Variants in SACS observed in about 807,000 individuals in gnomAD.
SACS encodes sacsin molecular chaperone.
In SACS, 197 loss-of-function variants were observed where a neutral mutation model predicts 348.0. The ratio of observed to expected loss-of-function variants is 0.57; its 90% CI spans 0.50 to 0.64. The LOEUF (loss-of-function observed/expected upper bound fraction) is 0.64, where lower values mean the gene tolerates loss of function less well. Among genes scored for constraint, SACS ranks in the 30% least tolerant of loss-of-function variants. The pLI, the probability that SACS is intolerant of heterozygous loss-of-function variation, is 0.00. For synonymous variants in SACS, 1,985 were observed against 1,910.6 expected, an observed-to-expected ratio of 1.04 and a Z score of -1.02; for missense variants, 4,999 against 5,360.8, an observed-to-expected ratio of 0.93 and a Z score of 2.11.
intron 3 of SACS, 95 bp from the exon 4 acceptor site, chr13:23,371,260 CTTG>C (rs1871372688): frequency 3.6e-6 from 2 of 561,596 alleles, no homozygotes; most frequent in Non-Finnish European, 6.0e-6. Context: ...TTAAGTAATG[CTTG>C]TTAAGTCTTC....
At chr13:23,422,776 A>T (rs1253440628) in intron 1 of SACS, among the ~76,000 whole-genome samples, 1 of 151,592 alleles carries the variant, frequency 6.6e-6, no homozygotes, top group Non-Finnish European at 1.5e-5. Context: ...CTCCTGCCTC[A>T]GCCTTTGGTG....
Position 23,330,768 on chromosome 13 carries a change from G to T in SACS, c.13108C>A (p.Gln4370Lys). ...CGTCTGGAGGCCCTGTCTGCATTTT[G>T]ATCTAGAAAAGCCTGTTTTTCTAAT... ...NRLEKQAFLDQNADRASRRTF... is the reference protein window; with the variant it reads ...NRLEKQAFLDKNADRASRRTF... The change falls in exon 10 of 10, where the codon CAA (glutamine) becomes AAA (lysine). Residue 4370 changes from glutamine to lysine, a missense_variant. Transcript: ENST00000382292. The T allele has an allele frequency of 6.2e-7, 1 of 1,613,706 alleles. No homozygotes were observed. The highest frequency in any genetic ancestry group is 1.1e-5 in the South Asian group (1 of 90,978).
At chr13:23,363,206 GC>G (rs992130798) in intron 6 of SACS, among the ~76,000 whole-genome samples, 6 of 148,868 alleles carry the variant, frequency 4.0e-5, no homozygotes, top group Admixed American at 1.3e-4. Flanking sequence ...ACCGCACCTG[GC>G]CTACATTTAT....
At chr13:23,429,190 CATA>C (rs1168593213) in intron 1 of SACS, among the ~76,000 whole-genome samples, 7 of 151,880 alleles carry the variant, frequency 4.6e-5, no homozygotes, top group African/African-American at 1.2e-4. Context: ...TTTCAGAATA[CATA>C]ATATCTTAAT....
chr13:23,368,305 AT>A (rs2137799238), intron 5 of SACS, 96 bp downstream of exon 5: 6 of 858,310 alleles, frequency 7.0e-6, no homozygotes, highest in Middle Eastern at 2.9e-4. Context: ...TCTAGACAAC[AT>A]TTTAAAAATT....
intron 6 of SACS, among the ~76,000 whole-genome samples, chr13:23,361,182 T>C (rs1315811538): frequency 6.6e-6 from 1 of 152,204 alleles, no homozygotes; most frequent in Non-Finnish European, 1.5e-5. Context: ...GGAGCTTTCC[T>C]TACACCCTGG....
rs1400418359 is a variant in SACS, at chr13:23,336,351, A to C, written c.7525T>G (p.Tyr2509Asp). The change falls in exon 10 of 10, where the codon TAT (tyrosine) becomes GAT (aspartate). Residue 2509 changes from tyrosine to aspartate, a missense_variant. By Grantham distance (160) the Tyr-to-Asp change is radical. Around this residue, in one of 6 missense-constraint regions of SACS, gnomAD observed 3,156 missense variants for 3,380.1 expected, o/e 0.93. Coordinates refer to ENST00000382292, the MANE Select transcript of SACS (RefSeq NM_014363.6). ...VPKRHKALER[Y>D]ASNVCFTTLG... ...GTTGTAAAACAGACATTGGATGCAT[A>C]TCTTTCTAAGGCTTTGTGTCGCTTT... is the stretch of plus-strand genomic sequence containing the variant. 6.2e-7 allele frequency: 1 copy of C among 1,614,076 alleles called. No homozygotes were observed. Among genetic ancestry groups the C allele is most frequent in the Admixed American group, 1.7e-5 (1 of 60,020 alleles).
intron 9 of SACS, among the ~76,000 whole-genome samples, chr13:23,348,791 C>A (rs1423051273): frequency 6.6e-6 from 1 of 152,064 alleles, no homozygotes; most frequent in African/African-American, 2.4e-5. Flanking sequence ...TACAAAAGGG[C>A]AGCTATGAGA....
In SACS at chr13:23,340,530, C is replaced by T. The variant is rs774044532; in HGVS notation, c.3346G>A (p.Gly1116Ser). ...AGAACATCTTGATCAGGACAAGCAC[C>T]GACCTGTAAGGCTTCAATTTTTTTT... ...VAKKIEALQV[G>S]ACPDQDVLLK... The change falls in exon 10 of 10, where the codon GGT becomes AGT. Residue 1116 changes from glycine (G) to serine (S), a missense_variant. Gly to Ser is a moderately conservative substitution (Grantham distance 56). Around this residue, in one of 6 missense-constraint regions of SACS, gnomAD observed 3,156 missense variants for 3,380.1 expected, o/e 0.93. Coordinates refer to ENST00000382292, the MANE Select transcript of SACS (RefSeq NM_014363.6). 21 of 1,611,792 alleles carry T rather than the reference C, an allele frequency of 1.3e-5. No homozygotes were observed. Among genetic ancestry groups the T allele is most frequent in the East Asian group, 4.5e-5 (2 of 44,898 alleles).
chr13:23,335,219 T>C lies in SACS; in HGVS notation c.8657A>G (p.His2886Arg), dbSNP rs763250612. ...ETGLPFHVNG[H>R]FALDSARRNL... is the part of the protein sequence containing the mutation. ...CCTTCTGGCTGAATCCAGTGCAAAGTGGCCATTCACATGAAATGGCAGCCC... is the reference window on the plus strand; with the variant it reads ...CCTTCTGGCTGAATCCAGTGCAAAGCGGCCATTCACATGAAATGGCAGCCC... Residue 2886 changes from histidine (H) to arginine (R), a missense_variant, in exon 10 of 10, where the codon CAC (histidine) becomes CGC (arginine). By Grantham distance (29) the His-to-Arg change is conservative. This residue lies in a region of SACS where 21 missense variants were observed against 51.8 expected (regional missense o/e 0.41). Transcript: ENST00000382292. The surrounding 1 kb of genome is among the most constrained non-coding windows in gnomAD (Gnocchi z 4.7). 7.4e-6 allele frequency: 12 copies of C among 1,613,948 alleles called. No homozygotes were observed. Among genetic ancestry groups the C allele is most frequent in the Non-Finnish European group, 9.3e-6 (11 of 1,179,914 alleles).
chr13:23,425,872 A>G (rs1874151750), intron 1 of SACS, among the ~76,000 whole-genome samples: 1 of 152,202 alleles, frequency 6.6e-6, no homozygotes, highest in African/African-American at 2.4e-5. Flanking sequence ...GAATATTAGT[A>G]TATACAAAAT....
At chr13:23,430,820 G>T (rs1874405487) in intron 1 of SACS, among the ~76,000 whole-genome samples, 1 of 152,198 alleles carries the variant, frequency 6.6e-6, no homozygotes, top group Non-Finnish European at 1.5e-5. Flanking sequence ...ACAAATGTTT[G>T]TCTGGATGTA....
intron 2 of SACS, among the ~76,000 whole-genome samples, chr13:23,401,441 C>A (rs527895944): frequency 2.3e-4 from 35 of 152,346 alleles, no homozygotes; most frequent in African/African-American, 8.4e-4. Context: ...GACCAAACCA[C>A]TGTATTTCTT....
Position 23,354,750 on chromosome 13 carries a change from G to A in SACS, c.1862C>T (p.Thr621Ile), listed in dbSNP as rs901090509. 2.5e-6 allele frequency: 4 copies of A among 1,613,886 alleles called. No homozygotes were observed. The highest frequency in any genetic ancestry group is 1.3e-5 in the African/African-American group (1 of 75,056). Reference sequence around the variant, plus strand: ...CGCGGGCGTCACCTTCCTCACAGGTGTTGTGCCAGAGGCAGCTGTGAGCTG... The same window carrying A: ...CGCGGGCGTCACCTTCCTCACAGGTATTGTGCCAGAGGCAGCTGTGAGCTG... ...AVQLTAASGT[T>I]PVRKVTPAWV... is the part of the protein sequence containing the mutation. The change falls in exon 8 of 10, where the codon ACA becomes ATA. Residue 621 changes from threonine to isoleucine, a missense_variant. Coordinates refer to ENST00000382292, the MANE Select transcript of SACS (RefSeq NM_014363.6).
chr13:23,337,449 T>A lies in SACS; in HGVS notation c.6427A>T (p.Ile2143Phe). 6.2e-7 allele frequency: 1 copy of A among 1,612,616 alleles called. No individual in the cohort carries two copies. Reference sequence around the variant, plus strand: ...AACTGAACTAGTTTAATCAAAATAATAGGATTGAGATAATCCTGAGTAGAA... The same window carrying A: ...AACTGAACTAGTTTAATCAAAATAAAAGGATTGAGATAATCCTGAGTAGAA... Reference protein sequence around the residue: ...YGSTQDYLNPIILIKLVQLGM... With the variant: ...YGSTQDYLNPFILIKLVQLGM... Residue 2143 changes from isoleucine (I) to phenylalanine (F), a missense_variant, in exon 10 of 10, where the codon ATT becomes TTT. Coordinates refer to ENST00000382292, the MANE Select transcript of SACS (RefSeq NM_014363.6).
chr13:23,386,367 T>G (rs1376036942), intron 2 of SACS, among the ~76,000 whole-genome samples: 5 of 152,248 alleles, frequency 3.3e-5, no homozygotes, highest in Admixed American at 3.3e-4. Context: ...CCTTGCACTT[T>G]TATGTTATAA....
chr13:23,353,129 T>C (rs1870078199), intron 9 of SACS, among the ~76,000 whole-genome samples: 1 of 152,146 alleles, frequency 6.6e-6, no homozygotes, highest in African/African-American at 2.4e-5. Flanking sequence ...GTATTAAAAT[T>C]AGAACCATGT....
intron 1 of SACS, among the ~76,000 whole-genome samples, chr13:23,416,701 G>A (rs1873705612): frequency 6.6e-6 from 1 of 151,040 alleles, no homozygotes; most frequent in African/African-American, 2.4e-5. Context: ...AGGTTGCAGT[G>A]AGCCAAGATC....
At chr13:23,362,600 T>A (rs1216457736) in intron 6 of SACS, among the ~76,000 whole-genome samples, 1 of 148,112 alleles carries the variant, frequency 6.8e-6, no homozygotes, top group East Asian at 1.9e-4. Flanking sequence ...TTTTTTTTTT[T>A]TTTGAGATGG....
Sources: allele counts gnomAD v4.1 joint callset (sites outside exome capture counted in the v4.1 genomes callset), GRCh38; gene constraint gnomAD v4.1.1; regional missense constraint gnomAD v4.1.1; non-coding constraint Gnocchi (gnomAD v3.1); transcripts MANE v1.5; gene names NCBI Gene and HGNC (gene_info 2026-07-23, HGNC 2026-07-21).